The following NAV3 variants were observed in gnomAD, a reference collection of about 807,000 sequenced individuals.
NAV3 encodes the protein pore membrane and/or filament interacting like protein 1.
Under a neutral mutation model 244.7 loss-of-function variants are expected in NAV3, and 87 were observed. The ratio of observed to expected loss-of-function variants is 0.36; its 90% CI spans 0.30 to 0.42. The LOEUF (loss-of-function observed/expected upper bound fraction) is 0.42. Ranked by LOEUF, NAV3 falls within the 20% of genes least tolerant of loss-of-function variation. The pLI, the probability that NAV3 is intolerant of heterozygous loss-of-function variation, is 1.00. For synonymous variants in NAV3, 1,126 were observed against 1,042.2 expected, an observed-to-expected ratio of 1.08 and a Z score of -1.55; for missense variants, 2,663 against 2,893.3, an observed-to-expected ratio of 0.92 and a Z score of 1.83.
At chr12:77,660,608 A>G (rs766422103) in intron 2 of NAV3, among the ~76,000 whole-genome samples, 6 of 152,206 alleles carry the variant, frequency 3.9e-5, no homozygotes, top group Non-Finnish European at 7.3e-5. Context: ...GTATGATTGT[A>G]TGCATATATA....
intron 9 of NAV3, among the ~76,000 whole-genome samples, chr12:78,042,902 A>G (rs1881118145): frequency 6.6e-6 from 1 of 152,082 alleles, no homozygotes; most frequent in Non-Finnish European, 1.5e-5. Context: ...CACCCAGAAC[A>G]CCTTGAAATA....
chr12:78,050,083 G>A lies in NAV3; in HGVS notation c.2114G>A (p.Gly705Glu), dbSNP rs1381228400. 6.2e-7 allele frequency: 1 copy of A among 1,609,444 alleles called. No homozygotes were observed. Among genetic ancestry groups the A allele is most frequent in the Non-Finnish European group, 8.5e-7 (1 of 1,178,634 alleles). The change falls in exon 10 of 40, where the codon GGG (glycine) becomes GAG (glutamate). Residue 705 changes from glycine to glutamate, a missense_variant. By Grantham distance (98) the Gly-to-Glu change is moderately conservative. This residue lies in a region of NAV3 where 1,521 missense variants were observed against 1,497.0 expected (regional missense o/e 1.02). Coordinates refer to ENST00000397909, the MANE Select transcript of NAV3 (RefSeq NM_001024383.2). ...NLEETMSSLR[G>E]TQISHSTLET... ...GAAGAGACTATGTCCAGTCTTCGTG[G>A]GACTCAGATAAGCCACAGGTTTTTT... is the stretch of plus-strand genomic sequence containing the variant.
intron 13 of NAV3, among the ~76,000 whole-genome samples, chr12:78,117,174 T>TATATATATATAG (rs1413090275): frequency 1.2e-4 from 16 of 134,870 alleles, no homozygotes; most frequent in Non-Finnish European, 2.2e-4. Flanking sequence ...TATATATATA[T>TATATATATATAG]ATATATATAT....
intron 2 of NAV3, among the ~76,000 whole-genome samples, chr12:77,629,538 A>C (rs965630754): frequency 1.3e-5 from 2 of 152,240 alleles, no homozygotes; most frequent in South Asian, 2.1e-4. Context: ...GCTCTTTTCT[A>C]TCTGGTTCTC....
chr12:77,997,237 C>CAAAAAAAAAAAAAAA, intron 6 of NAV3, among the ~76,000 whole-genome samples: 1 of 78,732 alleles, frequency 1.3e-5, no homozygotes, highest in Non-Finnish European at 2.5e-5. Flanking sequence ...CACCCTGTCT[C>CAAAAAAAAAAAAAAA]AAAAAAAAAA....
chr12:77,731,146 T>C, intron 2 of NAV3, among the ~76,000 whole-genome samples: 1 of 151,964 alleles, frequency 6.6e-6, no homozygotes, highest in East Asian at 1.9e-4. Flanking sequence ...GAGGATTCAG[T>C]GCAGAAGAGA....
chr12:77,776,246 A>C (rs1870349087), intron 2 of NAV3, among the ~76,000 whole-genome samples: 1 of 152,230 alleles, frequency 6.6e-6, no homozygotes, highest in Admixed American at 6.5e-5. Flanking sequence ...AAAACATGTA[A>C]ATAAAAATAA....
intron 2 of NAV3, among the ~76,000 whole-genome samples, chr12:77,629,829 T>C (rs952132222): frequency 2.0e-5 from 3 of 152,066 alleles, no homozygotes; most frequent in African/African-American, 4.8e-5. Flanking sequence ...GCCTACCACG[T>C]TGAAAATTGG....
Position 77,891,588 on chromosome 12 carries a change from T to C in NAV3, c.244-48731T>C, listed in dbSNP as rs1323192591. Among the ~76,000 whole-genome samples the C allele has an allele frequency of 2.6e-5, 4 of 152,178 alleles. No homozygotes were observed. In the South Asian group the frequency reaches 8.3e-4, roughly 31 times the overall value. Reference sequence around the variant, plus strand: ...CTATTATTTATGACTTGATACATGTTTTTGAACAGCAACAACCTAAGTTAA... The same window carrying C: ...CTATTATTTATGACTTGATACATGTCTTTGAACAGCAACAACCTAAGTTAA... On this transcript the variant is annotated intron_variant, in intron 1 of 39. Coordinates refer to ENST00000397909, the MANE Select transcript of NAV3 (RefSeq NM_001024383.2).
rs377145015 is a variant in NAV3 at position 77,898,772 on chromosome 12, A to G, written c.244-41547A>G. On this transcript the variant is annotated intron_variant, in intron 1 of 39. Coordinates refer to ENST00000397909, the MANE Select transcript of NAV3 (RefSeq NM_001024383.2). ...TTTCAACTCTCACTCTAAGAAATAC[A>G]TTTCATAAGTCTAGAGCTGCCATAG... Among the ~76,000 whole-genome samples the G allele has an allele frequency of 1.2e-3, 184 of 152,342 alleles. 4 individuals are homozygous for G. In the South Asian group the frequency reaches 0.036, roughly 30 times the overall value.
intron 2 of NAV3, among the ~76,000 whole-genome samples, chr12:77,660,237 A>G (rs1592553100): frequency 6.6e-6 from 1 of 152,222 alleles, no homozygotes; most frequent in African/African-American, 2.4e-5. Context: ...TAATTCAGCT[A>G]CTACCATCAG....
intron 8 of NAV3, among the ~76,000 whole-genome samples, chr12:78,012,007 A>G (rs892840010): frequency 6.6e-6 from 1 of 151,466 alleles, no homozygotes; most frequent in African/African-American, 2.4e-5. Flanking sequence ...TGGTCCCATC[A>G]CTTCCCACCA....
intron 2 of NAV3, among the ~76,000 whole-genome samples, chr12:77,622,360 C>T (rs947129063): frequency 4.0e-5 from 6 of 151,674 alleles, no homozygotes; most frequent in Non-Finnish European, 8.8e-5. Context: ...AGGGTTTCAC[C>T]GTGTTAGCCA....
intron 9 of NAV3, chr12:78,037,036 G>C: frequency 1.4e-6 from 1 of 703,000 alleles, no homozygotes; most frequent in South Asian, 1.5e-5. Context: ...GCCAGCCAGA[G>C]AGAAGCCAAC....
At chr12:77,854,774 C>A (rs926057691) in intron 1 of NAV3, among the ~76,000 whole-genome samples, 15 of 152,142 alleles carry the variant, frequency 9.9e-5, no homozygotes, top group African/African-American at 3.4e-4. Flanking sequence ...CAAATGAGAT[C>A]ATATACCGTC....
intron 1 of NAV3, among the ~76,000 whole-genome samples, chr12:77,925,373 C>G (rs1343691462): frequency 6.6e-6 from 1 of 152,058 alleles, no homozygotes; most frequent in Non-Finnish European, 1.5e-5. Flanking sequence ...CGTATAAGTT[C>G]ATATAGTGAG....
intron 5 of NAV3, among the ~76,000 whole-genome samples, chr12:77,979,677 T>C (rs1869168670): frequency 7.3e-6 from 1 of 137,916 alleles, no homozygotes; most frequent in Admixed American, 7.9e-5. Flanking sequence ...GACTGATCTC[T>C]CAGTCTCATA....
At chr12:77,808,659 C>A (rs1028146792) in intron 2 of NAV3, among the ~76,000 whole-genome samples, 2 of 152,206 alleles carry the variant, frequency 1.3e-5, no homozygotes, top group African/African-American at 4.8e-5. Flanking sequence ...GGATCAGGGA[C>A]CCACTTGAGG....
intron 2 of NAV3, among the ~76,000 whole-genome samples, chr12:77,602,839 A>G (rs1870500309): frequency 6.6e-6 from 1 of 151,966 alleles, no homozygotes; most frequent in African/African-American, 2.4e-5. Context: ...CTTCAAATAT[A>G]TCTTTGATCT....
Sources: gnomAD v4.1 joint callset for allele counts (sites outside exome capture counted in the v4.1 genomes callset) on GRCh38, gnomAD v4.1.1 for gene constraint, gnomAD v4.1.1 regional missense constraint, MANE v1.5 for transcripts, NCBI Gene and HGNC (gene_info 2026-07-23, HGNC 2026-07-21) for gene names.